Variants in UNC5D observed in about 807,000 individuals in gnomAD.
UNC5D encodes unc-5 netrin receptor D.
UNC5D carries 39 observed loss-of-function variants against 105.4 expected under a neutral mutation model. The ratio of observed to expected loss-of-function variants is 0.37; its 90% CI spans 0.29 to 0.48. The LOEUF is 0.48. UNC5D is among the 20% of genes least tolerant of loss of function. The probability of loss-of-function intolerance (pLI) is 0.98; values close to 1 mark genes in which losing one functional copy is unlikely to be tolerated. For synonymous variants in UNC5D, 452 were observed against 450.4 expected (o/e 1.00, Z -0.04); for missense variants, 991 against 1,202.4 (o/e 0.82, Z 2.60).
intron 1 of UNC5D, among the ~76,000 whole-genome samples, chr8:35,385,701 G>A (rs981091950): frequency 1.1e-4 from 17 of 152,032 alleles, no homozygotes; most frequent in African/African-American, 3.9e-4. Flanking sequence ...TCCTGACCTC[G>A]TGATCCACCT....
rs1331791280 is a variant in UNC5D at position 35,305,881 on chromosome 8, C to T, written c.103+69994C>T. On this transcript the variant is annotated intron_variant, in intron 1 of 16. Transcript: ENST00000404895. The stretch of plus-strand genomic sequence containing the variant: ...CCTCCCCCTCCCTCCCTCTTTCTTT[C>T]TTTCTTTCTTTTTCTCTCTTTCTTT... Among the ~76,000 whole-genome samples, 5 of 106,810 alleles carry T rather than the reference C, an allele frequency of 4.7e-5. No individual in the cohort carries two copies. In the Admixed American group the frequency reaches 5.4e-4, roughly 12 times the overall value. The allele number at this position is 106,810 out of a possible 152,430, so 70.1% of individuals were successfully genotyped here.
chr8:35,677,978 CTGTG>C (rs893961614), intron 4 of UNC5D, among the ~76,000 whole-genome samples: 6 of 150,624 alleles, frequency 4.0e-5, no homozygotes, highest in Admixed American at 2.7e-4. Flanking sequence ...GTGTATGTGT[CTGTG>C]TGTGTGTGTA....
At chr8:35,340,212 C>T (rs551778187) in intron 1 of UNC5D, among the ~76,000 whole-genome samples, 5 of 152,108 alleles carry the variant, frequency 3.3e-5, no homozygotes, top group South Asian at 2.1e-4. Context: ...CATGAAAATA[C>T]ACAAAATCAC....
chr8:35,511,576 AG>A (rs1241843030), intron 1 of UNC5D, among the ~76,000 whole-genome samples: 1 of 151,572 alleles, frequency 6.6e-6, no homozygotes, highest in Non-Finnish European at 1.5e-5. Flanking sequence ...AAAGGTCGAG[AG>A]GAGTTAAGTA....
chr8:35,301,802 G>A (rs1045325681), intron 1 of UNC5D, among the ~76,000 whole-genome samples: 1 of 152,028 alleles, frequency 6.6e-6, no homozygotes, highest in Admixed American at 6.6e-5. Context: ...AGAAGAATGG[G>A]GAGAGGGAAC....
intron 1 of UNC5D, among the ~76,000 whole-genome samples, chr8:35,357,125 T>C (rs1044457813): frequency 2.6e-5 from 4 of 152,144 alleles, no homozygotes; most frequent in Admixed American, 2.6e-4. Context: ...TTAATTGATT[T>C]CCCTGTTAAC....
intron 1 of UNC5D, among the ~76,000 whole-genome samples, chr8:35,512,535 GTATGTATATATATA>G (rs1303437491): frequency 0.01 from 345 of 33,430 alleles, 41 homozygotes; most frequent in African/African-American, 0.072. Flanking sequence ...ATTCAGATAT[GTATGTATATATATA>G]TATATATATA....
chr8:35,236,034 G>A, intron 1 of UNC5D, 147 bp downstream of exon 1: 1 of 650,864 alleles, frequency 1.5e-6, no homozygotes. Context: ...GCCGAGTGGA[G>A]GACTCCGAGG....
intron 1 of UNC5D, among the ~76,000 whole-genome samples, chr8:35,247,709 A>G (rs1157687149): frequency 0.38 from 3 of 8 alleles, no homozygotes; most frequent in African/African-American, 0.5. Flanking sequence ...TATAATATAT[A>G]AATATATATT....
chr8:35,534,747 C>T (rs1814706420), intron 1 of UNC5D, among the ~76,000 whole-genome samples: 1 of 151,842 alleles, frequency 6.6e-6, no homozygotes, highest in Admixed American at 6.6e-5. Context: ...TACATTTGAT[C>T]AGGAAAGCCC....
At chr8:35,497,060 G>A (rs904135274) in intron 1 of UNC5D, among the ~76,000 whole-genome samples, 7 of 152,138 alleles carry the variant, frequency 4.6e-5, no homozygotes, top group African/African-American at 1.4e-4. Flanking sequence ...AGCCCTCATA[G>A]GGAATGAAGA....
In UNC5D at chr8:35,313,765, A is replaced by G. The variant is rs527913986; in HGVS notation, c.103+77878A>G. 3.0e-4 allele frequency among the ~76,000 whole-genome samples: 45 copies of G among 152,276 alleles called. 1 individual carries two copies. The South Asian group carries it at 9.3e-3, about 32-fold the overall frequency. On this transcript the variant is annotated intron_variant, in intron 1 of 16. Transcript: ENST00000404895. The stretch of plus-strand genomic sequence containing the variant: ...TTTAATACCGTACCGCAGCTTCATC[A>G]TTTGTTACATGGACATAATAACAGT...
At chr8:35,530,226 A>C (rs1471950126) in intron 1 of UNC5D, among the ~76,000 whole-genome samples, 3 of 148,766 alleles carry the variant, frequency 2.0e-5, no homozygotes, top group Admixed American at 1.3e-4. Context: ...TCCCATCAAT[A>C]CCTAATTTAT....
intron 3 of UNC5D, among the ~76,000 whole-genome samples, chr8:35,591,573 G>T (rs1310064221): frequency 1.3e-5 from 2 of 151,852 alleles, no homozygotes; most frequent in African/African-American, 4.8e-5. Flanking sequence ...TCAGCTTGTT[G>T]TGTCCTTTTA....
intron 1 of UNC5D, among the ~76,000 whole-genome samples, chr8:35,496,281 C>A (rs773667255): frequency 6.6e-6 from 1 of 152,090 alleles, no homozygotes. Context: ...TAGAGTCATG[C>A]TGAATTGCTG....
Position 35,650,281 on chromosome 8 carries a change from C to T in UNC5D, c.571-33266C>T, listed in dbSNP as rs563030483. 2.0e-5 allele frequency among the ~76,000 whole-genome samples: 3 copies of T among 152,180 alleles called. No individual in the cohort carries two copies. In the East Asian group the frequency reaches 5.8e-4, roughly 30 times the overall value. On this transcript the variant is annotated intron_variant, in intron 4 of 16. Coordinates refer to ENST00000404895, the MANE Select transcript of UNC5D (RefSeq NM_080872.4). ...GACTTGTTGTGAGCCTTGTTGATGT[C>T]GTCTTCCTCCTATTCTTATTTCTTC...
At chr8:35,523,850 C>T (rs1386811538) in intron 1 of UNC5D, among the ~76,000 whole-genome samples, 1 of 62,214 alleles carries the variant, frequency 1.6e-5, no homozygotes, top group Non-Finnish European at 3.0e-5. Context: ...ATACTCTGCC[C>T]CAGGAGACTG....
Position 35,522,338 on chromosome 8 carries a change from C to T in UNC5D, c.104-26954C>T, listed in dbSNP as rs547371287. ...CTCAATTCTCCTAGTCTTTGATGAG[C>T]TCTCATGTGAAGCCAAATCTAAATT... On this transcript the variant is annotated intron_variant, in intron 1 of 16. Coordinates refer to ENST00000404895, the MANE Select transcript of UNC5D (RefSeq NM_080872.4). Among the ~76,000 whole-genome samples the T allele has an allele frequency of 7.9e-5, 12 of 152,272 alleles. No individual in the cohort carries two copies. The South Asian group carries it at 2.3e-3, about 29-fold the overall frequency.
At chr8:35,250,015 G>A (rs756348297) in intron 1 of UNC5D, among the ~76,000 whole-genome samples, 39 of 151,870 alleles carry the variant, frequency 2.6e-4, no homozygotes, top group Admixed American at 4.6e-4. Context: ...TTGAATGTGT[G>A]TGGGCATTTA....
Sources: allele counts gnomAD v4.1 joint callset (sites outside exome capture counted in the v4.1 genomes callset), GRCh38; gene constraint gnomAD v4.1.1; transcripts MANE v1.5; gene names NCBI Gene and HGNC (gene_info 2026-07-23, HGNC 2026-07-21).